Variants in ZFAND2A observed in about 807,000 individuals in gnomAD.
The protein encoded by ZFAND2A is zinc finger AN1-type containing 2A.
ZFAND2A carries 20 observed loss-of-function variants against 11.6 expected under a neutral mutation model. The ratio of observed to expected loss-of-function variants is 1.72; its 90% CI spans 1.21 to 2.50. The LOEUF is 2.50. Ranked by LOEUF, ZFAND2A falls within the 30% of genes most tolerant of loss-of-function variation. The pLI is 0.00. For missense variants in ZFAND2A, 234 were observed against 182.9 expected (o/e 1.28, Z -1.61); for synonymous variants, 93 against 60.6 (o/e 1.54, Z -2.48).
At chr7:1,152,116 T>C, downstream of ZFAND2A, 1 of 1,235,994 alleles carries the variant, frequency 8.1e-7, no homozygotes, top group East Asian at 2.8e-5. Context: ...CCTGTGTCCT[T>C]CATCCATCCT....
chr7:1,152,132 A>C, downstream of ZFAND2A: 1 of 1,331,420 alleles, frequency 7.5e-7, no homozygotes, highest in Non-Finnish European at 9.9e-7. Context: ...ATCCTGACGA[A>C]GTCGCACCAC....
chr7:1,157,572 A>C lies in ZFAND2A; in HGVS notation c.150+84T>G, dbSNP rs1793558769. 3 of 1,303,406 alleles carry C rather than the reference A, an allele frequency of 2.3e-6. No individual in the cohort carries two copies. The South Asian group carries it at 4.1e-5, about 18-fold the overall frequency. The allele number at this position is 1,303,406 out of a possible 1,614,324, so 80.7% of individuals were successfully genotyped here. ...ATTTAATTTTCAATGAGTTAGCCATACGTCGCTAGTCCCTACCATACCAGC... is the reference window on the plus strand; with the variant it reads ...ATTTAATTTTCAATGAGTTAGCCATCCGTCGCTAGTCCCTACCATACCAGC... On this transcript the variant is annotated intron_variant, in intron 3 of 4. Transcript: ENST00000316495.
downstream of ZFAND2A, among the ~76,000 whole-genome samples, chr7:1,149,337 A>G (rs961677046): frequency 6.6e-5 from 10 of 152,188 alleles, no homozygotes; most frequent in Admixed American, 2.0e-4. Context: ...GAGGTGCTGC[A>G]GACGCAGGGA....
chr7:1,153,440 T>TGC (rs1793446978), intron 4 of ZFAND2A, among the ~76,000 whole-genome samples: 1 of 152,172 alleles, frequency 6.6e-6, no homozygotes, highest in Admixed American at 6.5e-5. Flanking sequence ...GATGGGGTCT[T>TGC]GCCATGCTGC....
chr7:1,149,353 C>T (rs1283346291), downstream of ZFAND2A, among the ~76,000 whole-genome samples: 1 of 152,202 alleles, frequency 6.6e-6, no homozygotes, highest in African/African-American at 2.4e-5. Context: ...AGGGAAGTGG[C>T]TTGTCCAAGT....
At chr7:1,158,052 C>T in intron 2 of ZFAND2A, 106 bp downstream of exon 2, 1 of 1,150,734 alleles carries the variant, frequency 8.7e-7, no homozygotes. Context: ...GTTCCCAATA[C>T]TGAGGAGCCA....
At chr7:1,155,432 T>C (rs778129943) in intron 4 of ZFAND2A, 21 bp downstream of exon 4, 7 of 1,604,800 alleles carry the variant, frequency 4.4e-6, no homozygotes, top group African/African-American at 2.7e-5. Flanking sequence ...ATGAAGGAAC[T>C]GAGGCGGGCT....
Position 1,152,931 on chromosome 7 carries a change from A to G in ZFAND2A, c.*138T>C. The G allele has an allele frequency of 8.3e-7, 1 of 1,203,226 alleles. No homozygotes were observed. The highest frequency in any genetic ancestry group is 1.2e-6 in the Non-Finnish European group (1 of 829,986). 74.5% of individuals were successfully genotyped at this position (1,203,226 alleles called of 1,614,324 possible). A position where few individuals can be genotyped will look rare whatever the true frequency, so the allele number is the denominator to read the frequency against. On this transcript the variant is annotated 3_prime_UTR_variant, in exon 5 of 5. Transcript: ENST00000316495. ...ATCAACTTCAGCATTCAATTTTATTATAGTCCCATCTCCCTCAACAAACAA... is the reference window on the plus strand; with the variant it reads ...ATCAACTTCAGCATTCAATTTTATTGTAGTCCCATCTCCCTCAACAAACAA...
At chr7:1,152,364 A>G (rs1318706440), downstream of ZFAND2A, 3 of 1,540,122 alleles carry the variant, frequency 1.9e-6, no homozygotes, top group East Asian at 7.3e-5. Flanking sequence ...GGGTGGATGG[A>G]TCAGCTCAGC....
At chr7:1,149,476 C>T (rs1034268627), downstream of ZFAND2A, among the ~76,000 whole-genome samples, 1 of 152,190 alleles carries the variant, frequency 6.6e-6, no homozygotes, top group East Asian at 1.9e-4. Flanking sequence ...CGTAAGGAGC[C>T]CTGTGTTTTG....
intron 4 of ZFAND2A, among the ~76,000 whole-genome samples, chr7:1,154,397 CA>C (rs1327717038): frequency 6.6e-6 from 1 of 152,132 alleles, no homozygotes; most frequent in Non-Finnish European, 1.5e-5. Context: ...GCGTGCCCAC[CA>C]AAAGGACAGG....
At chr7:1,156,716 C>T (rs1049516535) in intron 3 of ZFAND2A, among the ~76,000 whole-genome samples, 2 of 152,214 alleles carry the variant, frequency 1.3e-5, no homozygotes, top group African/African-American at 2.4e-5. Flanking sequence ...CAGGTGCTCA[C>T]GGAATTATGA....
Position 1,153,175 on chromosome 7 carries a change from A to T in ZFAND2A, c.332T>A (p.Leu111Gln). 1 of 1,614,192 alleles carries T rather than the reference A, an allele frequency of 6.2e-7. No homozygotes were observed. Among genetic ancestry groups the T allele is most frequent in the Non-Finnish European group, 8.5e-7 (1 of 1,179,994 alleles). ...SKEGCKKKEM[L>Q]QMVCAQCHGN... ...GTGACATTGGGCACATACCATCTGC[A>T]GCATCTCTTTCTTCTTGCAGCCCTC... is the stretch of plus-strand genomic sequence containing the variant. The change falls in exon 5 of 5, where the codon CTG becomes CAG. Residue 111 changes from leucine (L) to glutamine (Q), a missense_variant. By Grantham distance (113) the Leu-to-Gln change is moderately radical. Transcript: ENST00000316495.
rs1793477153 is a variant in ZFAND2A, at chr7:1,154,534, T to C, written c.282+919A>G. On this transcript the variant is annotated intron_variant, in intron 4 of 4. Coordinates refer to ENST00000316495, the MANE Select transcript of ZFAND2A (RefSeq NM_182491.4). ...AAGCGGGTGTGCCAGAGAGCTGTGA[T>C]GTCTCAGAGGCTTAAGAGACCTCCA... is the stretch of plus-strand genomic sequence containing the variant. 2.6e-5 allele frequency among the ~76,000 whole-genome samples: 4 copies of C among 152,274 alleles called. No individual in the cohort carries two copies. The South Asian group carries it at 8.3e-4, about 32-fold the overall frequency.
At chr7:1,148,989 C>T (rs543847071), downstream of ZFAND2A, among the ~76,000 whole-genome samples, 2 of 151,720 alleles carry the variant, frequency 1.3e-5, no homozygotes, top group African/African-American at 2.4e-5. Context: ...TGAGAGACAA[C>T]GTCTTACTAC....
chr7:1,151,895 C>T (rs556824007), downstream of ZFAND2A, among the ~76,000 whole-genome samples: 6 of 151,912 alleles, frequency 3.9e-5, no homozygotes, highest in Non-Finnish European at 7.4e-5. Context: ...AAATAACCCA[C>T]ACGGCAGTGC....
chr7:1,150,887 C>CTTTT (rs10568309), downstream of ZFAND2A, among the ~76,000 whole-genome samples: 6 of 128,102 alleles, frequency 4.7e-5, 1 homozygote, highest in Admixed American at 1.5e-4. Context: ...ACAACTGTGC[C>CTTTT]TTTTTTTTTT....
chr7:1,155,225 C>T lies in ZFAND2A; in HGVS notation c.282+228G>A, dbSNP rs774892564. 2.9e-4 allele frequency among the ~76,000 whole-genome samples: 44 copies of T among 152,148 alleles called. 1 individual carries two copies. Among genetic ancestry groups the T allele is most frequent in the South Asian group, 4.1e-4 (2 of 4,828 alleles). ...TCTCAGGAGGGAAACTAGTAAATTC[C>T]AGTCAAGAAAGACGAACCTGACCTG... On this transcript the variant is annotated intron_variant, in intron 4 of 4. Transcript: ENST00000316495.
rs1793656891 is a variant in ZFAND2A at position 1,160,153 on chromosome 7, G to GC, written c.-236_-235insG. Reference sequence around the variant, plus strand: ...AACATCTCGCTGCCCGCGGCCTACGGGGATTTATCCGCAGCCCCCGGATCT... The same window carrying GC: ...AACATCTCGCTGCCCGCGGCCTACGGCGGATTTATCCGCAGCCCCCGGATCT... On this transcript the variant is annotated 5_prime_UTR_variant, in exon 1 of 5. Transcript: ENST00000316495. The GC allele has an allele frequency of 2.0e-5, 3 of 152,416 alleles. No homozygotes were observed. Among genetic ancestry groups the GC allele is most frequent in the African/African-American group, 7.2e-5 (3 of 41,436 alleles). The allele number at this position is 152,416 out of a possible 1,614,324, so 9.4% of individuals were successfully genotyped here. A position where few individuals can be genotyped will look rare whatever the true frequency, so the allele number is the denominator to read the frequency against.
Sources: allele counts gnomAD v4.1 joint callset (sites outside exome capture counted in the v4.1 genomes callset), GRCh38; gene constraint gnomAD v4.1.1; transcripts MANE v1.5; gene names NCBI Gene and HGNC (gene_info 2026-07-23, HGNC 2026-07-21).